Variants in PKIB observed in about 807,000 individuals in gnomAD.
The protein encoded by PKIB is PKI-beta.
PKIB carries 2 observed loss-of-function variants against 4.5 expected under a neutral mutation model. The observed-to-expected ratio is 0.44, with a 90% confidence interval of 0.18 to 1.39. PKIB has a LOEUF of 1.39. Among genes scored for constraint, PKIB ranks in the 40% most tolerant of loss-of-function variants. PKIB has a pLI of 0.27. For missense variants in PKIB, 94 were observed against 92.6 expected (o/e 1.02, Z -0.06); for synonymous variants, 38 against 36.0 (o/e 1.06, Z -0.20).
upstream of PKIB, among the ~76,000 whole-genome samples, chr6:122,606,036 T>C (rs959389054): frequency 5.3e-5 from 8 of 152,148 alleles, no homozygotes; most frequent in South Asian, 6.2e-4. Flanking sequence ...CTGGTACCTG[T>C]GAATTTGACT....
At chr6:122,556,740 C>A (rs1195688428) in intron 2 of PKIB, among the ~76,000 whole-genome samples, 3 of 152,170 alleles carry the variant, frequency 2.0e-5, no homozygotes, top group Non-Finnish European at 4.4e-5. Flanking sequence ...AACTCTCCTC[C>A]TTTTGAAAAC....
intron 2 of PKIB, among the ~76,000 whole-genome samples, chr6:122,673,055 A>C (rs567167361): frequency 6.6e-6 from 1 of 152,110 alleles, no homozygotes; most frequent in African/African-American, 2.4e-5. Flanking sequence ...TCCACCACAT[A>C]GGTATATTTG....
intron 2 of PKIB, among the ~76,000 whole-genome samples, chr6:122,578,786 G>A (rs1012085181): frequency 5.9e-5 from 9 of 152,160 alleles, no homozygotes; most frequent in African/African-American, 2.2e-4. Flanking sequence ...TAATCTCCAT[G>A]TGTCGTGGGA....
chr6:122,480,116 C>A (rs1439545234), intron 2 of PKIB: 1 of 151,682 alleles, frequency 6.6e-6, no homozygotes, highest in East Asian at 1.9e-4. Flanking sequence ...AATCTTGGCT[C>A]ACTGCAAGCT....
chr6:122,718,162 G>C (rs928397295), intron 4 of PKIB, among the ~76,000 whole-genome samples, 199 bp downstream of exon 4: 1 of 152,090 alleles, frequency 6.6e-6, no homozygotes, highest in Admixed American at 6.6e-5. Flanking sequence ...TTCTTATGCT[G>C]TGTATGTGGA....
chr6:122,635,353 T>C (rs1469639632), intron 2 of PKIB, among the ~76,000 whole-genome samples: 2 of 152,100 alleles, frequency 1.3e-5, no homozygotes, highest in Non-Finnish European at 2.9e-5. Context: ...CTTGACCAGC[T>C]TGAATAGAAA....
chr6:122,542,275 C>A (rs1046880930), intron 2 of PKIB, among the ~76,000 whole-genome samples: 11 of 151,998 alleles, frequency 7.2e-5, no homozygotes, highest in Non-Finnish European at 1.3e-4. Context: ...TTTAGAGTTT[C>A]CAGTTTTTCT....
intron 2 of PKIB, among the ~76,000 whole-genome samples, chr6:122,499,277 C>A (rs1381173243): frequency 6.6e-6 from 1 of 152,130 alleles, no homozygotes; most frequent in Non-Finnish European, 1.5e-5. Context: ...AACTTCATGT[C>A]AATATCCCTA....
intron 2 of PKIB, among the ~76,000 whole-genome samples, chr6:122,648,204 C>T (rs1776402012): frequency 6.6e-6 from 1 of 152,192 alleles, no homozygotes; most frequent in African/African-American, 2.4e-5. Flanking sequence ...GGAAGAACAC[C>T]TCCCTTTGAA....
At chr6:122,644,342 ATC>A (rs1428133886) in intron 2 of PKIB, 2 of 152,336 alleles carry the variant, frequency 1.3e-5, no homozygotes, top group African/African-American at 2.4e-5. Flanking sequence ...TGGAAGTCAA[ATC>A]TCTATTCTGT....
At chr6:122,651,818 C>A (rs1420489560) in intron 2 of PKIB, among the ~76,000 whole-genome samples, 1 of 152,152 alleles carries the variant, frequency 6.6e-6, no homozygotes, top group African/African-American at 2.4e-5. Context: ...CTGAGTTTAT[C>A]TTTTTCTTTC....
intron 3 of PKIB, among the ~76,000 whole-genome samples, chr6:122,692,191 CT>C (rs1778383859): frequency 6.6e-6 from 1 of 152,216 alleles, no homozygotes; most frequent in Non-Finnish European, 1.5e-5. Context: ...TAACCATCCC[CT>C]GTCTATAGCC....
At chr6:122,511,241 T>G (rs559149110) in intron 2 of PKIB, among the ~76,000 whole-genome samples, 1 of 152,326 alleles carries the variant, frequency 6.6e-6, no homozygotes, top group East Asian at 1.9e-4. Context: ...AATTTTTTAA[T>G]TTCACAGTTC....
intron 1 of PKIB, among the ~76,000 whole-genome samples, chr6:122,611,058 A>G (rs1774733464): frequency 6.6e-6 from 1 of 152,194 alleles, no homozygotes. Context: ...TGGATAAAAT[A>G]TGGAGGTGGG....
At chr6:122,628,240 T>C (rs1016999942) in intron 1 of PKIB, among the ~76,000 whole-genome samples, 1 of 152,212 alleles carries the variant, frequency 6.6e-6, no homozygotes, top group African/African-American at 2.4e-5. Context: ...TTTCTCCATG[T>C]GGGTCAGGCT....
intron 3 of PKIB, among the ~76,000 whole-genome samples, chr6:122,594,692 T>TG (rs1774120567): frequency 6.6e-6 from 1 of 152,148 alleles, no homozygotes; most frequent in South Asian, 2.1e-4. Flanking sequence ...CAACAGGTCG[T>TG]GGTTTTTTTC....
intron 2 of PKIB, among the ~76,000 whole-genome samples, chr6:122,552,582 T>G (rs1217258184): frequency 6.6e-6 from 1 of 152,082 alleles, no homozygotes; most frequent in African/African-American, 2.4e-5. Context: ...TTTGCTATGT[T>G]TGCCAGGCTC....
rs1303854445 is a variant in PKIB at position 122,708,540 on chromosome 6, A to G, written c.-8-9247A>G. Among the ~76,000 whole-genome samples the G allele has an allele frequency of 3.3e-5, 5 of 152,156 alleles. No individual in the cohort carries two copies. In the East Asian group the frequency reaches 7.7e-4, roughly 23 times the overall value. On this transcript the variant is annotated intron_variant, in intron 3 of 4. Coordinates refer to ENST00000368452, the MANE Select transcript of PKIB (RefSeq NM_181795.3). The stretch of plus-strand genomic sequence containing the variant: ...CTTGTATGGTTCAGATGTTGCAGAA[A>G]CGTAGACAGGTTTGAGGGTGTGCTG...
chr6:122,563,108 G>T (rs1773080428), intron 2 of PKIB, among the ~76,000 whole-genome samples: 1 of 151,940 alleles, frequency 6.6e-6, no homozygotes, highest in African/African-American at 2.4e-5. Context: ...CACAGGGAAG[G>T]TCTAGGGCTG....
Sources: gnomAD v4.1 joint callset for allele counts (sites outside exome capture counted in the v4.1 genomes callset) on GRCh38, gnomAD v4.1.1 for gene constraint, MANE v1.5 for transcripts, NCBI Gene and HGNC (gene_info 2026-07-23, HGNC 2026-07-21) for gene names.